Variants in PPP3CA observed in about 807,000 individuals in gnomAD.
The protein encoded by PPP3CA is CAM-PRP catalytic subunit.
PPP3CA carries 14 observed loss-of-function variants against 66.5 expected under a neutral mutation model. That is an observed-to-expected ratio of 0.21 (90% confidence interval 0.14 to 0.33). The LOEUF (loss-of-function observed/expected upper bound fraction) is 0.33, where lower values mean the gene tolerates loss of function less well. PPP3CA is among the 10% of genes least tolerant of loss of function. The pLI, the probability that PPP3CA is intolerant of heterozygous loss-of-function variation, is 1.00. For synonymous variants in PPP3CA, 232 were observed against 226.2 expected (o/e 1.03, Z -0.23); for missense variants, 317 against 639.5 (o/e 0.50, Z 5.44).
At position 101,257,266 on chromosome 4, in the gene PPP3CA, TG is replaced by T. The variant is rs545013589; in HGVS notation, c.59-61151del. On this transcript the variant is annotated intron_variant, in intron 1 of 13. Coordinates refer to ENST00000394854, the MANE Select transcript of PPP3CA (RefSeq NM_000944.5). ...TCCAAAAGGAAAAATATTAAAGAAA[TG>T]GGTTGGTTAGTTACCTCCACCCTGG... Among the ~76,000 whole-genome samples, 86 of 151,660 alleles carry T rather than the reference TG, an allele frequency of 5.7e-4. 1 individual carries two copies. Among genetic ancestry groups the T allele is most frequent in the African/African-American group, 1.9e-3 (80 of 41,382 alleles).
intron 1 of PPP3CA, among the ~76,000 whole-genome samples, chr4:101,294,504 C>T (rs576875669): frequency 6.6e-6 from 1 of 151,398 alleles, no homozygotes; most frequent in South Asian, 2.1e-4. Context: ...CAAGTAGATG[C>T]TATAATTTCA....
At chr4:101,269,553 CGT>C (rs55721209) in intron 1 of PPP3CA, among the ~76,000 whole-genome samples, 11,406 of 135,698 alleles carry the variant, frequency 0.084, 730 homozygotes, top group African/African-American at 0.2. Flanking sequence ...AAACAAGGAA[CGT>C]GTGTGTGTGT....
chr4:101,032,518 A>G (rs1340022920), intron 11 of PPP3CA, among the ~76,000 whole-genome samples, 154 bp from the exon 12 acceptor site: 1 of 149,522 alleles, frequency 6.7e-6, no homozygotes, highest in Non-Finnish European at 1.5e-5. Flanking sequence ...AACATACTTT[A>G]TTTTAATTTA....
At chr4:101,074,432 T>C (rs1284844304) in intron 8 of PPP3CA, among the ~76,000 whole-genome samples, 3 of 152,188 alleles carry the variant, frequency 2.0e-5, no homozygotes, top group Non-Finnish European at 4.4e-5. Flanking sequence ...TGGTATAGTA[T>C]GGAATGAGCT....
chr4:101,072,960 A>G (rs1471512199), intron 8 of PPP3CA, among the ~76,000 whole-genome samples: 7 of 149,826 alleles, frequency 4.7e-5, no homozygotes, highest in Admixed American at 4.0e-4. Context: ...AAAATTATAT[A>G]TATATATAAA....
At chr4:101,269,250 C>T (rs1348256974) in intron 1 of PPP3CA, among the ~76,000 whole-genome samples, 1 of 152,066 alleles carries the variant, frequency 6.6e-6, no homozygotes, top group African/African-American at 2.4e-5. Flanking sequence ...ATGGAAGAAT[C>T]ATCTTTCCAG....
intron 6 of PPP3CA, among the ~76,000 whole-genome samples, chr4:101,091,360 A>T (rs1017521435): frequency 4.6e-5 from 7 of 152,306 alleles, no homozygotes; most frequent in African/African-American, 1.7e-4. Flanking sequence ...CTGAAAATAA[A>T]TTTTAGCCTT....
At chr4:101,221,116 C>T (rs1379066414) in intron 1 of PPP3CA, among the ~76,000 whole-genome samples, 2 of 151,520 alleles carry the variant, frequency 1.3e-5, no homozygotes, top group Non-Finnish European at 3.0e-5. Flanking sequence ...TGACTTGCTT[C>T]CATAGATTCT....
intron 2 of PPP3CA, among the ~76,000 whole-genome samples, chr4:101,131,394 G>C (rs183618635): frequency 2.0e-5 from 3 of 149,522 alleles, no homozygotes; most frequent in African/African-American, 7.4e-5. Flanking sequence ...CAAAGGAATG[G>C]AGGAAGATTT....
At chr4:101,027,406 T>C (rs777086547) in intron 13 of PPP3CA, among the ~76,000 whole-genome samples, 5 of 152,110 alleles carry the variant, frequency 3.3e-5, no homozygotes, top group Non-Finnish European at 7.4e-5. Flanking sequence ...TGAGAAATAG[T>C]TTTTCCCCCC....
chr4:101,090,895 CAT>C (rs1453425217), intron 6 of PPP3CA, among the ~76,000 whole-genome samples: 3 of 114,496 alleles, frequency 2.6e-5, no homozygotes, highest in Admixed American at 1.6e-4. Context: ...AATATACACA[CAT>C]ATCTGTGTCT....
chr4:101,246,794 G>A (rs1726495017), intron 1 of PPP3CA, among the ~76,000 whole-genome samples: 1 of 152,020 alleles, frequency 6.6e-6, no homozygotes, highest in African/African-American at 2.4e-5. Context: ...AAAGGGCTTT[G>A]TTATTTGTGA....
chr4:101,060,043 T>G (rs1728394736), intron 10 of PPP3CA, among the ~76,000 whole-genome samples: 1 of 152,128 alleles, frequency 6.6e-6, no homozygotes, highest in Non-Finnish European at 1.5e-5. Context: ...AATCTGAGGT[T>G]GTTTGAATCC....
rs188655433 is a variant in PPP3CA at position 101,252,127 on chromosome 4, C to T, written c.59-56011G>A. Among the ~76,000 whole-genome samples the T allele has an allele frequency of 1.1e-3, 160 of 152,230 alleles. 1 individual carries two copies. Among genetic ancestry groups the T allele is most frequent in the African/African-American group, 3.1e-3 (130 of 41,550 alleles). Reference sequence around the variant, plus strand: ...ATCTCCAATTTCCAGATAAAGAAAGCGAGGTTTGAAGAGCCTGCCTACATG... The same window carrying T: ...ATCTCCAATTTCCAGATAAAGAAAGTGAGGTTTGAAGAGCCTGCCTACATG... On this transcript the variant is annotated intron_variant, in intron 1 of 13. Coordinates refer to ENST00000394854, the MANE Select transcript of PPP3CA (RefSeq NM_000944.5).
intron 3 of PPP3CA, among the ~76,000 whole-genome samples, chr4:101,105,148 G>A (rs994208966): frequency 2.7e-5 from 4 of 150,828 alleles, no homozygotes; most frequent in Admixed American, 1.3e-4. Flanking sequence ...GCTTCTTGAC[G>A]TCTTTTTTTC....
chr4:101,286,698 C>T (rs1213219569), intron 1 of PPP3CA, among the ~76,000 whole-genome samples: 1 of 152,172 alleles, frequency 6.6e-6, no homozygotes, highest in African/African-American at 2.4e-5. Flanking sequence ...GAATTTTAAC[C>T]ATTCCTCCAA....
intron 2 of PPP3CA, among the ~76,000 whole-genome samples, chr4:101,163,179 T>C (rs1378252293): frequency 6.6e-6 from 1 of 152,158 alleles, no homozygotes; most frequent in Non-Finnish European, 1.5e-5. Context: ...TTTCCTGCAT[T>C]TGTGCATGGC....
intron 2 of PPP3CA, among the ~76,000 whole-genome samples, chr4:101,120,929 C>T (rs923630009): frequency 2.0e-5 from 3 of 151,954 alleles, no homozygotes; most frequent in Non-Finnish European, 2.9e-5. Context: ...TCTTAAGTTT[C>T]TTGTTTCTTC....
chr4:101,050,817 A>G (rs989473877), intron 10 of PPP3CA, among the ~76,000 whole-genome samples: 1 of 152,160 alleles, frequency 6.6e-6, no homozygotes, highest in Non-Finnish European at 1.5e-5. Flanking sequence ...GGTATATGGG[A>G]AGTATTGTAA....
Sources: gnomAD v4.1 joint callset for allele counts (sites outside exome capture counted in the v4.1 genomes callset) on GRCh38, gnomAD v4.1.1 for gene constraint, MANE v1.5 for transcripts, NCBI Gene and HGNC (gene_info 2026-07-23, HGNC 2026-07-21) for gene names.